Variants in IKZF1 observed in about 807,000 individuals in gnomAD.
IKZF1 encodes IKAROS family zinc finger 1, also known as DNA-binding protein Ikaros.
In IKZF1, 10 loss-of-function variants were observed where a neutral mutation model predicts 51.7. The ratio of observed to expected loss-of-function variants is 0.19; its 90% CI spans 0.12 to 0.33. The LOEUF is 0.33. Among genes scored for constraint, IKZF1 ranks in the 10% least tolerant of loss-of-function variants. IKZF1 has a pLI of 1.00. For synonymous variants in IKZF1, 280 were observed against 282.3 expected, an observed-to-expected ratio of 0.99 and a Z score of 0.08; for missense variants, 484 against 707.5, an observed-to-expected ratio of 0.68 and a Z score of 3.58.
At chr7:50,347,221 T>G (rs574276398) in intron 3 of IKZF1, among the ~76,000 whole-genome samples, 1 of 152,314 alleles carries the variant, frequency 6.6e-6, no homozygotes, top group Non-Finnish European at 1.5e-5. Flanking sequence ...CTCCATGAGA[T>G]GCCTAGTTAA....
rs889533506 is a variant in IKZF1 at position 50,403,960 on chromosome 7, A to G, written c.*3333A>G. ...CTTTCTTCAGTTCCAGCAATAATGA[A>G]TGGTCAACTTTTTTAAAATCTAGAT... On this transcript the variant is annotated 3_prime_UTR_variant, in exon 8 of 8. Transcript: ENST00000331340. 3 of 214,858 alleles carry G rather than the reference A, an allele frequency of 1.4e-5. No individual in the cohort carries two copies. The highest frequency in any genetic ancestry group is 4.5e-5 in the African/African-American group (2 of 44,296). 13.3% of individuals were successfully genotyped at this position (214,858 alleles called of 1,614,324 possible).
chr7:50,343,310 A>T (rs150825899), intron 3 of IKZF1, among the ~76,000 whole-genome samples: 224 of 147,776 alleles, frequency 1.5e-3, no homozygotes, highest in African/African-American at 5.2e-3. Flanking sequence ...CTTCCTTTTA[A>T]CATTTGATCA....
intron 6 of IKZF1, 95 bp from the exon 7 acceptor site, chr7:50,391,634 G>C: frequency 6.6e-7 from 1 of 1,524,800 alleles, no homozygotes; most frequent in South Asian, 1.2e-5. Flanking sequence ...CCTGGCTCTT[G>C]TAGGCACTTA....
At chr7:50,318,199 G>A (rs985221746) in intron 1 of IKZF1, among the ~76,000 whole-genome samples, 4 of 152,152 alleles carry the variant, frequency 2.6e-5, no homozygotes, top group Admixed American at 2.6e-4. Context: ...CTCCACTGAT[G>A]CTGGGGTTCT....
intron 3 of IKZF1, among the ~76,000 whole-genome samples, chr7:50,354,370 TCTGCTTTCTGG>T (rs918115700): frequency 6.6e-6 from 1 of 152,196 alleles, no homozygotes; most frequent in Non-Finnish European, 1.5e-5. Flanking sequence ...TGAGCATCAT[TCTGCTTTCTGG>T]CTGCACCTGT....
intron 3 of IKZF1, chr7:50,369,019 T>G: frequency 4.5e-6 from 1 of 224,704 alleles, no homozygotes; most frequent in East Asian, 6.5e-5. Context: ...CTAGATTGGC[T>G]ACTTTTCCAG....
intron 4 of IKZF1, among the ~76,000 whole-genome samples, chr7:50,380,482 A>C (rs887793269): frequency 1.3e-5 from 2 of 152,202 alleles, no homozygotes; most frequent in African/African-American, 4.8e-5. Flanking sequence ...ATGGGACTCC[A>C]GCACCTGCCC....
At chr7:50,327,551 A>G in intron 2 of IKZF1, 87 bp from the exon 3 acceptor site, 1 of 1,467,628 alleles carries the variant, frequency 6.8e-7, no homozygotes. Context: ...CTGCCTCCTC[A>G]TGCCACCCTC....
chr7:50,370,423 T>G (rs1291800470), intron 3 of IKZF1, among the ~76,000 whole-genome samples: 1 of 152,236 alleles, frequency 6.6e-6, no homozygotes, highest in Non-Finnish European at 1.5e-5. Flanking sequence ...TGGCTCCTCT[T>G]GGCATCTGAG....
At chr7:50,314,462 G>A (rs945110165) in intron 1 of IKZF1, among the ~76,000 whole-genome samples, 1 of 152,202 alleles carries the variant, frequency 6.6e-6, no homozygotes, top group African/African-American at 2.4e-5. Flanking sequence ...CAACAGACAG[G>A]CTAATTTTGA....
intron 3 of IKZF1, chr7:50,368,399 G>GGCCATATT (rs1584828050): frequency 1.5e-6 from 1 of 646,956 alleles, no homozygotes; most frequent in East Asian, 2.7e-5. Context: ...AGGATAAAAT[G>GGCCATATT]GCCATATTTT....
intron 3 of IKZF1, among the ~76,000 whole-genome samples, chr7:50,336,194 C>T (rs890004740): frequency 8.3e-4 from 126 of 152,200 alleles, no homozygotes; most frequent in African/African-American, 2.9e-3. Context: ...AGTTGGCAAA[C>T]GCCATGTGGT....
At chr7:50,387,509 C>A (rs189937880) in intron 6 of IKZF1, 39 bp downstream of exon 6, 2 of 1,569,478 alleles carry the variant, frequency 1.3e-6, no homozygotes, top group Admixed American at 1.9e-5. Flanking sequence ...GGTGGGCTCT[C>A]CCCCCAGCAC....
At chr7:50,346,507 G>T (rs551443440) in intron 3 of IKZF1, among the ~76,000 whole-genome samples, 1 of 152,300 alleles carries the variant, frequency 6.6e-6, no homozygotes, top group East Asian at 1.9e-4. Flanking sequence ...AAGTGTGTTG[G>T]TTTCCTCAGC....
chr7:50,323,885 G>A (rs957526869), intron 2 of IKZF1, among the ~76,000 whole-genome samples: 4 of 152,144 alleles, frequency 2.6e-5, no homozygotes, highest in Non-Finnish European at 4.4e-5. Context: ...CTGTGGGATA[G>A]ACCAAAATCA....
rs1287971456 is a variant in IKZF1, at chr7:50,403,135, A to G, written c.*2508A>G. ...TCACTGCCTTTTATAGCCAATATAA[A>G]TGTCTCTTTGCACACCTTTTGTTGT... On this transcript the variant is annotated 3_prime_UTR_variant, in exon 8 of 8. Transcript: ENST00000331340. 1 of 221,244 alleles carries G rather than the reference A, an allele frequency of 4.5e-6. No individual in the cohort carries two copies. Among genetic ancestry groups the G allele is most frequent in the Admixed American group, 5.8e-5 (1 of 17,372 alleles). 13.7% of individuals were successfully genotyped at this position (221,244 alleles called of 1,614,324 possible). A position where few individuals can be genotyped will look rare whatever the true frequency, so the allele number is the denominator to read the frequency against.
Position 50,402,693 on chromosome 7 carries a change from C to T in IKZF1, c.*2066C>T. The T allele has an allele frequency of 4.3e-6, 1 of 230,260 alleles. No homozygotes were observed. The highest frequency in any genetic ancestry group is 2.2e-5 in the African/African-American group (1 of 45,284). 14.3% of individuals were successfully genotyped at this position (230,260 alleles called of 1,614,324 possible). A position where few individuals can be genotyped will look rare whatever the true frequency, so the allele number is the denominator to read the frequency against. Reference sequence around the variant, plus strand: ...CCCCTTCGGTCTTAAAAATATATTTCCTCATAAACATTTGAGTTTTGTTGA... The same window carrying T: ...CCCCTTCGGTCTTAAAAATATATTTTCTCATAAACATTTGAGTTTTGTTGA... On this transcript the variant is annotated 3_prime_UTR_variant, in exon 8 of 8. Transcript: ENST00000331340.
intron 3 of IKZF1, among the ~76,000 whole-genome samples, chr7:50,357,182 C>A (rs1257136935): frequency 8.6e-5 from 13 of 152,016 alleles, no homozygotes; most frequent in African/African-American, 3.1e-4. Flanking sequence ...CAACCCCAGA[C>A]CAGTTCCCTT....
Position 50,335,979 on chromosome 7 carries a change from G to A in IKZF1, c.160+8222G>A, listed in dbSNP as rs1338626554. ...ATGTCTGTGAAGCCTGACCCAGCAGGGCACAGCATAGAGGGCTGTCCAGAG... is the reference window on the plus strand; with the variant it reads ...ATGTCTGTGAAGCCTGACCCAGCAGAGCACAGCATAGAGGGCTGTCCAGAG... On this transcript the variant is annotated intron_variant, in intron 3 of 7. Transcript: ENST00000331340. 2.6e-5 allele frequency among the ~76,000 whole-genome samples: 4 copies of A among 152,172 alleles called. No individual in the cohort carries two copies. In the East Asian group the frequency reaches 7.7e-4, roughly 29 times the overall value.
Sources: allele counts gnomAD v4.1 joint callset (sites outside exome capture counted in the v4.1 genomes callset), GRCh38; gene constraint gnomAD v4.1.1; transcripts MANE v1.5; gene names NCBI Gene and HGNC (gene_info 2026-07-23, HGNC 2026-07-21).